GARIN1A: variants seen among roughly 807,000 people sequenced by gnomAD.
The protein encoded by GARIN1A is golgi associated RAB2 interactor 1A.
the GARIN1A span, among the ~76,000 whole-genome samples, chr7:128,692,694 T>C: frequency 2.6e-5 from 4 of 152,362 alleles, no homozygotes; most frequent in South Asian, 8.3e-4. Flanking sequence ...GGAAGCTTCA[T>C]AAATGCCTTT....
At chr7:128,676,111 C>G in the GARIN1A span, among the ~76,000 whole-genome samples, 11 of 151,708 alleles carry the variant, frequency 7.3e-5, no homozygotes, top group South Asian at 4.2e-4. Context: ...GCCCCGCCTC[C>G]CGGGTTCACG....
chr7:128,675,670 T>G, the GARIN1A span: 1 of 1,613,288 alleles, frequency 6.2e-7, no homozygotes, highest in East Asian at 2.2e-5. Context: ...GAGGCTGATT[T>G]CCAGGTCACT....
At chr7:128,672,225 G>T in the GARIN1A span, 10 of 526,728 alleles carry the variant, frequency 1.9e-5, no homozygotes, top group South Asian at 3.0e-5. Context: ...ATTCCTTGAT[G>T]TCATTCCTGC....
the GARIN1A span, chr7:128,672,540 A>C: frequency 6.2e-7 from 1 of 1,605,156 alleles, no homozygotes; most frequent in Non-Finnish European, 8.5e-7. Flanking sequence ...TTTGAAAGCA[A>C]CTTTATCCAG....
chr7:128,688,157 A>G, the GARIN1A span, among the ~76,000 whole-genome samples: 14 of 152,060 alleles, frequency 9.2e-5, no homozygotes, highest in Non-Finnish European at 1.5e-5. Context: ...GATTAAAGGC[A>G]CGCGCCACCA....
the GARIN1A span, among the ~76,000 whole-genome samples, chr7:128,707,220 ATGTGTGTGTGTGTGTG>A: frequency 6.8e-6 from 1 of 147,186 alleles, no homozygotes; most frequent in Non-Finnish European, 1.5e-5. Context: ...GTGTGTATGT[ATGTGTGTGTGTGTGTG>A]TGTGTGTGTG....
the GARIN1A span, among the ~76,000 whole-genome samples, chr7:128,692,442 C>A: frequency 6.6e-6 from 1 of 152,082 alleles, no homozygotes; most frequent in Admixed American, 6.6e-5. Flanking sequence ...ATGAAAACAC[C>A]ACACGGATTG....
At chr7:128,672,353 G>C in the GARIN1A span, 4 of 1,544,740 alleles carry the variant, frequency 2.6e-6, no homozygotes, top group Middle Eastern at 2.0e-4. Flanking sequence ...CTGGGTCGGC[G>C]TGGAGCCCCA....
the GARIN1A span, chr7:128,672,623 G>A: frequency 2.5e-6 from 2 of 806,366 alleles, no homozygotes; most frequent in Non-Finnish European, 3.4e-6. Flanking sequence ...GTTAGGAGAT[G>A]CTGTGGCCTT....
the GARIN1A span, chr7:128,677,443 C>T: frequency 9.0e-7 from 1 of 1,107,634 alleles, no homozygotes; most frequent in Non-Finnish European, 1.2e-6. Context: ...GGGGGCAGAG[C>T]CTGCAGTGAG....
the GARIN1A span, among the ~76,000 whole-genome samples, chr7:128,673,722 C>A: frequency 6.6e-6 from 1 of 152,190 alleles, no homozygotes; most frequent in Non-Finnish European, 1.5e-5. Flanking sequence ...TCCTGCCGCT[C>A]CACGGTCCCT....
the GARIN1A span, among the ~76,000 whole-genome samples, chr7:128,678,613 G>C: frequency 1.2e-4 from 18 of 152,024 alleles, no homozygotes; most frequent in South Asian, 1.5e-3. Flanking sequence ...AGACCAGCCT[G>C]CCCAACATGG....
chr7:128,694,546 A>G, the GARIN1A span, among the ~76,000 whole-genome samples: 16 of 64,336 alleles, frequency 2.5e-4, no homozygotes. Context: ...AAAAAAAAAG[A>G]AAGAAAGAAA....
chr7:128,684,559 G>A, the GARIN1A span: 2 of 144,870 alleles, frequency 1.4e-5, no homozygotes, highest in Non-Finnish European at 3.0e-5. Context: ...AGCTTGCAGT[G>A]AGCTGGGATC....
At chr7:128,689,164 C>T in the GARIN1A span, among the ~76,000 whole-genome samples, 3 of 152,134 alleles carry the variant, frequency 2.0e-5, no homozygotes, top group South Asian at 6.2e-4. Context: ...CCTCCACCTC[C>T]CAGCCGCCTA....
chr7:128,682,502 C>A, the GARIN1A span, among the ~76,000 whole-genome samples: 1 of 152,130 alleles, frequency 6.6e-6, no homozygotes, highest in Non-Finnish European at 1.5e-5. Flanking sequence ...TTGTCACTGC[C>A]CCACATTTCC....
chr7:128,672,702 C>G, the GARIN1A span, among the ~76,000 whole-genome samples: 14 of 152,160 alleles, frequency 9.2e-5, no homozygotes, highest in East Asian at 2.1e-3. Flanking sequence ...ACCAGAAGGT[C>G]TGGGTCCCAA....
chr7:128,684,085 G>A, the GARIN1A span: 2 of 152,104 alleles, frequency 1.3e-5, no homozygotes, highest in Non-Finnish European at 2.9e-5. Context: ...ATTTGGGCAG[G>A]GAGACAGATC....
At chr7:128,704,804 C>T in the GARIN1A span, among the ~76,000 whole-genome samples, 2 of 152,182 alleles carry the variant, frequency 1.3e-5, no homozygotes, top group African/African-American at 2.4e-5. Flanking sequence ...CTGTGCGACC[C>T]GGGTTCCTAA....
Sources: gnomAD v4.1 joint callset for allele counts (sites outside exome capture counted in the v4.1 genomes callset) on GRCh38, gnomAD v4.1.1 for gene constraint, MANE v1.5 for transcripts, NCBI Gene and HGNC (gene_info 2026-07-23, HGNC 2026-07-21) for gene names.